Variants in USHBP1 observed in about 807,000 individuals in gnomAD.
The protein encoded by USHBP1 is harmonin-binding protein USHBP1.
Under a neutral mutation model 76.2 loss-of-function variants are expected in USHBP1, and 67 were observed. That is an observed-to-expected ratio of 0.88 (90% CI 0.72 to 1.08). The LOEUF (loss-of-function observed/expected upper bound fraction) is 1.08. USHBP1 is among the 50% of genes least tolerant of loss of function. The probability of loss-of-function intolerance (pLI) is 0.00; values close to 1 mark genes in which losing one functional copy is unlikely to be tolerated. For synonymous variants in USHBP1, 322 were observed against 362.2 expected (o/e 0.89, Z 1.26); for missense variants, 931 against 915.0 (o/e 1.02, Z -0.23).
At chr19:17,260,530 A>G (rs2073674553) in intron 4 of USHBP1, among the ~76,000 whole-genome samples, 1 of 152,182 alleles carries the variant, frequency 6.6e-6, no homozygotes, top group Non-Finnish European at 1.5e-5. Context: ...GGGTTTCACC[A>G]TGTTGACCAG....
rs768628978 is a variant in USHBP1, at chr19:17,250,253, G to A, written c.2084C>T (p.Pro695Leu). 3 of 1,612,518 alleles carry A rather than the reference G, an allele frequency of 1.9e-6. No homozygotes were observed. The African/African-American group carries it at 4.0e-5, about 22-fold the overall frequency. Residue 695 changes from proline to leucine, a missense_variant, in exon 13 of 13, where the codon CCT (proline) becomes CTT (leucine). By Grantham distance (98) the Pro-to-Leu change is moderately conservative (BLOSUM62 -3). Coordinates refer to ENST00000252597, the MANE Select transcript of USHBP1 (RefSeq NM_031941.4). ...ALGKPRPPLPPPQLGDTFL is the reference protein window; with the variant it reads ...ALGKPRPPLPLPQLGDTFL ...CAGAAAGGTGTCCCCAAGCTGGGGA[G>A]GCGGGAGGGGAGGCCTGGGCTTCCC...
At position 17,256,545 on chromosome 19, in the gene USHBP1, G is replaced by A. The variant is rs141680124; in HGVS notation, c.1396C>T (p.Leu466=). The A allele has an allele frequency of 9.4e-3, 15,168 of 1,614,140 alleles. 115 individuals are homozygous for A. Among genetic ancestry groups the A allele is most frequent in the Middle Eastern group, 0.02 (119 of 6,062 alleles). ...PRAEAMVQAI[L]GTQAGPALPR... Reference sequence around the variant, plus strand: ...AGAGCTGGGCCAGCCTGGGTCCCCAGAATGGCCTGCACCATGGCTTCTGCA... The same window carrying A: ...AGAGCTGGGCCAGCCTGGGTCCCCAAAATGGCCTGCACCATGGCTTCTGCA... Residue 466 remains leucine, a synonymous_variant, in exon 9 of 13, where the codon CTG becomes TTG. Coordinates refer to ENST00000252597, the MANE Select transcript of USHBP1 (RefSeq NM_031941.4).
intron 11 of USHBP1, 38 bp from the exon 12 acceptor site, chr19:17,251,742 G>A (rs1433870242): frequency 6.2e-7 from 1 of 1,608,736 alleles, no homozygotes; most frequent in Non-Finnish European, 8.5e-7. Flanking sequence ...CACAGCCCCA[G>A]CCGATCCTGT....
In USHBP1 at chr19:17,255,458, G is replaced by T; in HGVS notation, c.1619C>A (p.Ala540Asp). 1 of 1,614,086 alleles carries T rather than the reference G, an allele frequency of 6.2e-7. No individual in the cohort carries two copies. The highest frequency in any genetic ancestry group is 8.5e-7 in the Non-Finnish European group (1 of 1,179,998). Residue 540 changes from alanine to aspartate, a missense_variant, in exon 10 of 13, where the codon GCT becomes GAT. Transcript: ENST00000252597. ...QLRWERAELQAGGANSSGGHS... is the reference protein window; with the variant it reads ...QLRWERAELQDGGANSSGGHS... Reference sequence around the variant, plus strand: ...TCCGCCACTGCTGTTTGCCCCACCAGCCTGGAGCTCTGCCCGTTCCCACCG... The same window carrying T: ...TCCGCCACTGCTGTTTGCCCCACCATCCTGGAGCTCTGCCCGTTCCCACCG...
chr19:17,250,199 T>C lies in USHBP1; in HGVS notation c.*26A>G. 1 of 1,583,418 alleles carries C rather than the reference T, an allele frequency of 6.3e-7. No individual in the cohort carries two copies. Among genetic ancestry groups the C allele is most frequent in the South Asian group, 1.1e-5 (1 of 87,942 alleles). The stretch of plus-strand genomic sequence containing the variant: ...TATGACATGCCACAGCTGTCTGGCA[T>C]GTCCAGACATGGCTGGGTAAGGGGC... On this transcript the variant is annotated 3_prime_UTR_variant, in exon 13 of 13. Transcript: ENST00000252597.
At chr19:17,255,755 C>G (rs983567571) in intron 9 of USHBP1, 149 bp from the exon 10 acceptor site, 2 of 838,008 alleles carry the variant, frequency 2.4e-6, no homozygotes, top group African/African-American at 3.5e-5. Flanking sequence ...AATCCCAGCA[C>G]TTTGGGAGGC....
chr19:17,259,219 T>C, intron 7 of USHBP1, 70 bp downstream of exon 7: 1 of 1,527,584 alleles, frequency 6.5e-7, no homozygotes, highest in Admixed American at 2.2e-5. Flanking sequence ...GAGGGTTCTG[T>C]GGATTGGGGC....
chr19:17,256,422 T>C, intron 9 of USHBP1, 49 bp downstream of exon 9: 1 of 1,604,718 alleles, frequency 6.2e-7, no homozygotes, highest in Non-Finnish European at 8.5e-7. Context: ...CAGTAAAGGA[T>C]TTTGTCCCAC....
chr19:17,251,870 G>A, intron 11 of USHBP1, 41 bp downstream of exon 11: 1 of 1,517,166 alleles, frequency 6.6e-7, no homozygotes, highest in Non-Finnish European at 8.8e-7. Flanking sequence ...CACATAGGCT[G>A]CCTGCCCACC....
At chr19:17,252,727 A>C (rs1264777004) in intron 10 of USHBP1, among the ~76,000 whole-genome samples, 1 of 146,610 alleles carries the variant, frequency 6.8e-6, no homozygotes, top group Non-Finnish European at 1.5e-5. Flanking sequence ...ATACGGTCTC[A>C]AAAAAAAAAA....
intron 9 of USHBP1, 32 bp from the exon 10 acceptor site, chr19:17,255,638 T>G (rs1168878994): frequency 1.0e-5 from 16 of 1,567,232 alleles, no homozygotes; most frequent in Non-Finnish European, 6.1e-6. Flanking sequence ...AGAGAATTTA[T>G]GCTTCTACGG....
At chr19:17,259,515 T>C in intron 6 of USHBP1, 81 bp downstream of exon 6, 1 of 1,607,332 alleles carries the variant, frequency 6.2e-7, no homozygotes, top group South Asian at 1.1e-5. Context: ...TCCCTCCTGT[T>C]GCAGCTTCAG....
chr19:17,250,399 G>C lies in USHBP1; in HGVS notation c.1938C>G (p.Ala646=), dbSNP rs762845584. 3.1e-6 allele frequency: 5 copies of C among 1,613,078 alleles called. No homozygotes were observed. The South Asian group carries it at 5.5e-5, about 18-fold the overall frequency. ...CCTGCTTCCGGTGGGCTCCTCGGAA[G>C]GCCAGGACCAGGGCGCTGGAAGGGG... ...LCKAHSALVL[A]FRGAHRKQEE... Residue 646 remains alanine, a synonymous_variant, in exon 13 of 13, where the codon GCC becomes GCG. Transcript: ENST00000252597.
At chr19:17,264,200 T>TG (rs755952259) in intron 2 of USHBP1, 46 bp downstream of exon 2, 1 of 1,613,010 alleles carries the variant, frequency 6.2e-7, no homozygotes. Flanking sequence ...GACAGGACCT[T>TG]GGGGTCCCCA....
intron 10 of USHBP1, among the ~76,000 whole-genome samples, chr19:17,252,599 C>A (rs1018022025): frequency 4.6e-5 from 7 of 151,866 alleles, no homozygotes; most frequent in Admixed American, 6.6e-5. Flanking sequence ...TGGTGGCAGA[C>A]CCCTGTAATT....
intron 8 of USHBP1, 126 bp downstream of exon 8, chr19:17,258,086 C>A: frequency 7.5e-7 from 1 of 1,335,112 alleles, no homozygotes; most frequent in Non-Finnish European, 1.0e-6. Context: ...CTACAGTGAG[C>A]TCCATACCGA....
intron 10 of USHBP1, among the ~76,000 whole-genome samples, chr19:17,255,074 C>G (rs553027987): frequency 1.3e-5 from 2 of 151,948 alleles, no homozygotes; most frequent in African/African-American, 2.4e-5. Context: ...GCCAGGAGTT[C>G]GAGAGCAGCC....
At chr19:17,259,566 C>G (rs191730101) in intron 6 of USHBP1, 30 bp downstream of exon 6, 2 of 1,602,394 alleles carry the variant, frequency 1.2e-6, no homozygotes, top group African/African-American at 2.7e-5. Flanking sequence ...GTGCCTGTGC[C>G]CTTATGAGCT....
In USHBP1 at chr19:17,259,937, G is replaced by C. The variant is rs995137168; in HGVS notation, c.728C>G (p.Ser243Cys). The stretch of plus-strand genomic sequence containing the variant: ...TTCCCTGTCTGCCTCAGAGCTGCTA[G>C]AACCACTGCCTGAGCCACCTGCTTG... ...HNQAGGSGSG[S>C]SSSEADREPW... The change falls in exon 5 of 13, where the codon TCT becomes TGT. Residue 243 changes from serine to cysteine, a missense_variant. Coordinates refer to ENST00000252597, the MANE Select transcript of USHBP1 (RefSeq NM_031941.4). 6.2e-7 allele frequency: 1 copy of C among 1,614,108 alleles called. No homozygotes were observed. Among genetic ancestry groups the C allele is most frequent in the Admixed American group, 1.7e-5 (1 of 60,006 alleles).
Sources: gnomAD v4.1 joint callset for allele counts (sites outside exome capture counted in the v4.1 genomes callset) on GRCh38, gnomAD v4.1.1 for gene constraint, MANE v1.5 for transcripts, NCBI Gene and HGNC (gene_info 2026-07-23, HGNC 2026-07-21) for gene names.